Variants in ITSN2 observed in about 807,000 individuals in gnomAD.
ITSN2 encodes intersectin-2.
Under a neutral mutation model 243.7 loss-of-function variants are expected in ITSN2, and 156 were observed. That is an observed-to-expected ratio of 0.64 (90% confidence interval 0.56 to 0.73). The LOEUF (loss-of-function observed/expected upper bound fraction) is 0.73, where lower values mean the gene tolerates loss of function less well. Ranked by LOEUF, ITSN2 falls within the 30% of genes least tolerant of loss-of-function variation. ITSN2 has a pLI of 0.00. For missense variants in ITSN2, 1,801 were observed against 1,996.1 expected, an observed-to-expected ratio of 0.90 and a Z score of 1.86; for synonymous variants, 703 against 699.9, an observed-to-expected ratio of 1.00 and a Z score of -0.07.
chr2:24,291,498 T>C (rs1263406994), intron 15 of ITSN2, among the ~76,000 whole-genome samples: 1 of 150,204 alleles, frequency 6.7e-6, no homozygotes, highest in African/African-American at 2.4e-5. Flanking sequence ...CCTTTTTTTT[T>C]TTTTTTTTTT....
In ITSN2 at chr2:24,286,199, C is replaced by A. The variant is rs1463357489; in HGVS notation, c.1863+13G>T. The A allele has an allele frequency of 1.3e-6, 2 of 1,511,832 alleles. No individual in the cohort carries two copies. The highest frequency in any genetic ancestry group is 1.2e-5 in the South Asian group (1 of 81,010). 93.7% of individuals were successfully genotyped at this position (1,511,832 alleles called of 1,614,324 possible). A position where few individuals can be genotyped will look rare whatever the true frequency, so the allele number is the denominator to read the frequency against. ...GCAGTTACCTAAAAATAAATAGTAT[C>A]AAAAATAAATACCTTTAGTTGATTG... On this transcript the variant is annotated intron_variant, in intron 16 of 39. Coordinates refer to ENST00000355123, the MANE Select transcript of ITSN2 (RefSeq NM_006277.3).
chr2:24,336,676 C>G (rs1037914355), intron 1 of ITSN2, among the ~76,000 whole-genome samples: 2 of 152,198 alleles, frequency 1.3e-5, no homozygotes, highest in African/African-American at 4.8e-5. Context: ...CTTCTATCCT[C>G]CCAGGTAGTT....
At chr2:24,358,404 G>C (rs1395486789) in intron 1 of ITSN2, among the ~76,000 whole-genome samples, 2 of 152,188 alleles carry the variant, frequency 1.3e-5, no homozygotes, top group African/African-American at 4.8e-5. Context: ...TAGGGCCTTA[G>C]TGAGCTTTAA....
At chr2:24,210,377 A>T in intron 34 of ITSN2, 1 of 302,684 alleles carries the variant, frequency 3.3e-6, no homozygotes, top group East Asian at 7.1e-5. Flanking sequence ...GTTGGGAGAC[A>T]GAGGCGGGAG....
chr2:24,270,251 A>G (rs758032709), intron 20 of ITSN2, among the ~76,000 whole-genome samples: 2 of 152,172 alleles, frequency 1.3e-5, no homozygotes, highest in African/African-American at 4.8e-5. Context: ...TCTCTTATTC[A>G]TGTATTTTAT....
At chr2:24,276,843 GAGAA>G (rs1558537366) in intron 17 of ITSN2, among the ~76,000 whole-genome samples, 1 of 152,184 alleles carries the variant, frequency 6.6e-6, no homozygotes, top group Non-Finnish European at 1.5e-5. Context: ...TTGAAGTGGG[GAGAA>G]AGAAACCTTT....
chr2:24,252,728 T>G (rs546289393), intron 24 of ITSN2, among the ~76,000 whole-genome samples: 21 of 152,138 alleles, frequency 1.4e-4, no homozygotes, highest in Non-Finnish European at 3.1e-4. Flanking sequence ...CATAAAACTT[T>G]AGAGTTTCTT....
At chr2:24,274,452 T>C (rs1464450318) in intron 18 of ITSN2, among the ~76,000 whole-genome samples, 2 of 152,046 alleles carry the variant, frequency 1.3e-5, no homozygotes, top group Non-Finnish European at 2.9e-5. Context: ...CATGCCTATA[T>C]TCCCAGTTAC....
In ITSN2 at chr2:24,310,507, T is replaced by G. The variant is rs1368675093; in HGVS notation, c.538A>C (p.Ile180Leu). 20 of 1,613,876 alleles carry G rather than the reference T, an allele frequency of 1.2e-5. No individual in the cohort carries two copies. The highest frequency in any genetic ancestry group is 1.6e-5 in the Non-Finnish European group (19 of 1,179,934). The stretch of plus-strand genomic sequence containing the variant: ...TACTCACTTGAAGAAGAATAAGGAA[T>G]GGGTAAAGGCTGAATGAGACTGGCG... ...GTASLIQPLP[I>L]PYSSSTLPHG... is the part of the protein sequence containing the mutation. The change falls in exon 6 of 40, where the codon ATT (isoleucine) becomes CTT (leucine). Residue 180 changes from isoleucine (I) to leucine (L), a missense_variant. By Grantham distance (5) the Ile-to-Leu change is conservative. This residue lies in a region of ITSN2 where 787 missense variants were observed against 803.9 expected (regional missense o/e 0.98). Coordinates refer to ENST00000355123, the MANE Select transcript of ITSN2 (RefSeq NM_006277.3).
intron 29 of ITSN2, 141 bp downstream of exon 29, chr2:24,245,986 CTT>C (rs1158378015): frequency 7.5e-6 from 4 of 533,354 alleles, no homozygotes; most frequent in Non-Finnish European, 1.3e-5. Context: ...AAAAAGTTTC[CTT>C]TTGTTTCTTC....
In ITSN2 at chr2:24,310,551, G is replaced by C; in HGVS notation, c.494C>G (p.Ser165Ter). Reference sequence around the variant, plus strand: ...ACTGGCGGTTCCATTTGGTAATGATGATGTGCTAACAGAAGGCACTAGGGG... The same window carrying C: ...ACTGGCGGTTCCATTTGGTAATGATCATGTGCTAACAGAAGGCACTAGGGG... ...PTPLVPSVST[S>*]SLPNGTASLI... The change falls in exon 6 of 40, where the codon TCA becomes TGA. Residue 165 changes from serine to a stop codon, truncating the protein, a stop_gained. Coordinates refer to ENST00000355123, the MANE Select transcript of ITSN2 (RefSeq NM_006277.3). LOFTEE classifies it high-confidence loss of function. 1 of 1,614,128 alleles carries C rather than the reference G, an allele frequency of 6.2e-7. No homozygotes were observed. Among genetic ancestry groups the C allele is most frequent in the Non-Finnish European group, 8.5e-7 (1 of 1,180,014 alleles).
At chr2:24,253,779 T>C (rs1674665723) in intron 24 of ITSN2, among the ~76,000 whole-genome samples, 1 of 152,258 alleles carries the variant, frequency 6.6e-6, no homozygotes, top group Non-Finnish European at 1.5e-5. Flanking sequence ...ACATAAAATG[T>C]ACCTCAACTA....
At chr2:24,254,503 C>A (rs1674768894) in intron 23 of ITSN2, 72 bp from the exon 24 acceptor site, 2 of 1,248,782 alleles carry the variant, frequency 1.6e-6, no homozygotes, top group South Asian at 2.4e-5. Flanking sequence ...TGATTTGATG[C>A]ACAGCAGGTT....
intron 33 of ITSN2, 111 bp downstream of exon 33, chr2:24,212,539 C>T (rs1669591117): frequency 1.3e-6 from 1 of 760,588 alleles, no homozygotes; most frequent in South Asian, 1.7e-5. Context: ...CGGTGTCACA[C>T]TGTGTGCAGG....
Position 24,211,283 on chromosome 2 carries a change from G to C in ITSN2, c.4090-336C>G, listed in dbSNP as rs1444613612. Among the ~76,000 whole-genome samples the C allele has an allele frequency of 1.3e-5, 2 of 152,284 alleles. No individual in the cohort carries two copies. Among genetic ancestry groups the C allele is most frequent in the South Asian group, 4.2e-4 (2 of 4,818 alleles). On this transcript the variant is annotated intron_variant, in intron 33 of 39. Transcript: ENST00000355123. This position sits in a 1 kb window ranked among gnomAD's most constrained non-coding sequence, Gnocchi z 4.1. ...CGAAATTTAAGCCATGTAAGGGTGC[G>C]CCCTCCTGTATAAACTGGCTGCAGC...
chr2:24,338,628 T>A (rs990686914), intron 1 of ITSN2, among the ~76,000 whole-genome samples: 2 of 152,246 alleles, frequency 1.3e-5, no homozygotes, highest in Admixed American at 6.5e-5. Context: ...ACATATATTC[T>A]CCACCTATGC....
At chr2:24,311,446 G>A (rs570326903) in intron 5 of ITSN2, among the ~76,000 whole-genome samples, 15 of 152,106 alleles carry the variant, frequency 9.9e-5, no homozygotes, top group African/African-American at 3.4e-4. Flanking sequence ...TCACAGGTGC[G>A]ATCATAGCAC....
At chr2:24,290,502 TGTAA>T (rs1373329431) in intron 15 of ITSN2, among the ~76,000 whole-genome samples, 4 of 152,242 alleles carry the variant, frequency 2.6e-5, no homozygotes, top group Non-Finnish European at 4.4e-5. Context: ...TCATCAAATC[TGTAA>T]GTATTTTCTT....
chr2:24,221,425 A>G (rs527749178), intron 29 of ITSN2: 1 of 187,104 alleles, frequency 5.3e-6, no homozygotes, highest in East Asian at 1.7e-4. Context: ...ACTGCAGGTC[A>G]TGAGCCATTA....
Sources: gnomAD v4.1 joint callset for allele counts (sites outside exome capture counted in the v4.1 genomes callset) on GRCh38, gnomAD v4.1.1 for gene constraint, gnomAD v4.1.1 regional missense constraint, Gnocchi (gnomAD v3.1) non-coding constraint, MANE v1.5 for transcripts, NCBI Gene and HGNC (gene_info 2026-07-23, HGNC 2026-07-21) for gene names.